The following FLI1 variants were observed in gnomAD, a reference collection of about 807,000 sequenced individuals.
The protein encoded by FLI1 is Fli-1 proto-oncogene, ETS transcription factor, also known as Friend leukemia integration 1 transcription factor.
FLI1 carries 13 observed loss-of-function variants against 53.1 expected under a neutral mutation model. The ratio of observed to expected loss-of-function variants is 0.24; its 90% CI spans 0.16 to 0.39. The LOEUF is 0.39. Among genes scored for constraint, FLI1 ranks in the 10% least tolerant of loss-of-function variants. FLI1 has a pLI of 1.00. For synonymous variants in FLI1, 244 were observed against 236.7 expected, an observed-to-expected ratio of 1.03 and a Z score of -0.28; for missense variants, 424 against 600.5, an observed-to-expected ratio of 0.71 and a Z score of 3.07.
intron 4 of FLI1, 149 bp downstream of exon 4, chr11:128,773,134 C>G: frequency 1.4e-6 from 1 of 708,514 alleles, no homozygotes; most frequent in South Asian, 1.7e-5. Flanking sequence ...CACGTGGGCT[C>G]CTACAGACCC....
intron 5 of FLI1, among the ~76,000 whole-genome samples, chr11:128,795,712 A>T (rs1942420049): frequency 6.6e-6 from 1 of 152,048 alleles, no homozygotes; most frequent in Admixed American, 6.6e-5. Flanking sequence ...CACCACGCCC[A>T]ACTAATTTTT....
At chr11:128,712,787 G>A (rs1938840263) in intron 1 of FLI1, among the ~76,000 whole-genome samples, 1 of 152,108 alleles carries the variant, frequency 6.6e-6, no homozygotes. Flanking sequence ...GGGACACAGA[G>A]CCAAAACATA....
intron 2 of FLI1, among the ~76,000 whole-genome samples, chr11:128,761,662 T>C (rs551195161): frequency 1.3e-5 from 2 of 152,186 alleles, no homozygotes; most frequent in Admixed American, 6.5e-5. Context: ...CCTCCCCTGC[T>C]CTCAGAGAAT....
rs1941619394 is a variant in FLI1 at position 128,772,942 on chromosome 11, C to T, written c.546C>T (p.Tyr182=). 5 of 1,613,890 alleles carry T rather than the reference C, an allele frequency of 3.1e-6. No individual in the cohort carries two copies. The highest frequency in any genetic ancestry group is 1.7e-5 in the Admixed American group (1 of 60,010). The part of the protein sequence containing the change: ...KEDFLRATTL[Y]NTEVLLSHLS... ...ACTTCCTCCGCGCCACCACCCTCTACAACACGGAAGTGCTGTTGTCACACC... is the reference window on the plus strand; with the variant it reads ...ACTTCCTCCGCGCCACCACCCTCTATAACACGGAAGTGCTGTTGTCACACC... Residue 182 remains tyrosine (Y), a synonymous_variant, in exon 4 of 9, where the codon TAC becomes TAT. Coordinates refer to ENST00000527786, the MANE Select transcript of FLI1 (RefSeq NM_002017.5).
intron 1 of FLI1, among the ~76,000 whole-genome samples, chr11:128,741,305 A>C (rs752577625): frequency 2.6e-5 from 4 of 152,334 alleles, no homozygotes; most frequent in Non-Finnish European, 4.4e-5. Flanking sequence ...AGGCAGGAGA[A>C]TCGCTTGAAC....
chr11:128,694,351 G>A (rs1591724965), intron 1 of FLI1, 75 bp downstream of exon 1: 2 of 1,173,746 alleles, frequency 1.7e-6, no homozygotes, highest in African/African-American at 1.6e-5. Flanking sequence ...TAGGTGCGGG[G>A]CCCGCGTCCC....
intron 1 of FLI1, among the ~76,000 whole-genome samples, chr11:128,741,166 G>A (rs1354178613): frequency 1.3e-5 from 2 of 152,168 alleles, no homozygotes; most frequent in African/African-American, 4.8e-5. Flanking sequence ...GGCTGAGGCG[G>A]GCGGATCACT....
In FLI1 at chr11:128,748,984, T is replaced by C. The variant is rs56852377; in HGVS notation, c.19-9131T>C. On this transcript the variant is annotated intron_variant, in intron 1 of 8. Coordinates refer to ENST00000527786, the MANE Select transcript of FLI1 (RefSeq NM_002017.5). ...TTCTCATTTAAAAATGTGGTCCTTG[T>C]TTGGTTTTTGTCTGTTGTTTATTTT... Among the ~76,000 whole-genome samples the C allele has an allele frequency of 7.0e-3, 1,062 of 152,320 alleles. 15 individuals carry two copies. The highest frequency in any genetic ancestry group is 0.024 in the African/African-American group (997 of 41,566).
Position 128,757,092 on chromosome 11 carries a change from CTTTCTT to C in FLI1, c.19-1021_19-1016del, listed in dbSNP as rs397849615. ...TCTTTCTTTCTTTCTTTCTTTCTTT[CTTTCTT>C]TCTTTCTTTCTTTCTCTCTTTCTGT... is the stretch of plus-strand genomic sequence containing the variant. On this transcript the variant is annotated intron_variant, in intron 1 of 8. Transcript: ENST00000527786. Among the ~76,000 whole-genome samples the C allele has an allele frequency of 5.4e-5, 8 of 146,888 alleles. 1 individual carries two copies. The highest frequency in any genetic ancestry group is 4.7e-4 in the Admixed American group (7 of 14,780).
chr11:128,811,984 C>A lies in FLI1; in HGVS notation c.*996C>A, dbSNP rs957429369. The A allele has an allele frequency of 1.5e-5, 3 of 202,518 alleles. No homozygotes were observed. The highest frequency in any genetic ancestry group is 6.9e-5 in the African/African-American group (3 of 43,460). 12.5% of individuals were successfully genotyped at this position (202,518 alleles called of 1,614,324 possible). A position where few individuals can be genotyped will look rare whatever the true frequency, so the allele number is the denominator to read the frequency against. On this transcript the variant is annotated 3_prime_UTR_variant, in exon 9 of 9. Coordinates refer to ENST00000527786, the MANE Select transcript of FLI1 (RefSeq NM_002017.5). ...ATTTTTTTTAATGTAATTTGTACAT[C>A]TTTTTTCAATCTGTACATTTGGGCT...
intron 1 of FLI1, among the ~76,000 whole-genome samples, chr11:128,703,349 T>C (rs1487558186): frequency 1.3e-5 from 2 of 152,200 alleles, no homozygotes; most frequent in African/African-American, 4.8e-5. Context: ...ATATGTACAA[T>C]GTGTTTATTG....
intron 4 of FLI1, among the ~76,000 whole-genome samples, chr11:128,779,659 C>CCCATTTT (rs1941848773): frequency 6.6e-6 from 1 of 152,182 alleles, no homozygotes; most frequent in Non-Finnish European, 1.5e-5. Context: ...GTGGTGTTAG[C>CCCATTTT]CCATTTTACA....
At chr11:128,763,317 T>G (rs1941199390) in intron 2 of FLI1, among the ~76,000 whole-genome samples, 1 of 152,184 alleles carries the variant, frequency 6.6e-6, no homozygotes, top group African/African-American at 2.4e-5. Flanking sequence ...TTTCTTCATA[T>G]CTTCCTGTTG....
chr11:128,765,644 C>T (rs1366729924), intron 2 of FLI1, among the ~76,000 whole-genome samples: 2 of 152,214 alleles, frequency 1.3e-5, no homozygotes, highest in Middle Eastern at 3.4e-3. Context: ...CCCACAGAGG[C>T]CGCCTGCCAA....
intron 1 of FLI1, among the ~76,000 whole-genome samples, chr11:128,687,216 C>T (rs1226985613): frequency 6.6e-6 from 1 of 152,180 alleles, no homozygotes; most frequent in Non-Finnish European, 1.5e-5. Context: ...TGGCCCCGCC[C>T]GCCCTTCGGA....
chr11:128,805,289 C>A, intron 5 of FLI1, 77 bp from the exon 6 acceptor site: 2 of 792,144 alleles, frequency 2.5e-6, no homozygotes, highest in South Asian at 3.3e-5. Flanking sequence ...TTCTCCTGAT[C>A]ACTACAGATA....
chr11:128,807,183 C>T lies in FLI1; in HGVS notation c.725C>T (p.Pro242Leu). The change falls in exon 7 of 9, where the codon CCT becomes CTT. Residue 242 changes from proline (P) to leucine (L), a missense_variant. Pro to Leu is a moderately conservative substitution (Grantham distance 98). Coordinates refer to ENST00000527786, the MANE Select transcript of FLI1 (RefSeq NM_002017.5). Reference protein sequence around the residue: ...NNMNSGLNKSPPLGGAQTISK... With the variant: ...NNMNSGLNKSLPLGGAQTISK... ...ATTTCTTTCCCTCTTGCCACAGGTC[C>T]TCCCCTTGGAGGGGCACAAACGATC... 2 of 1,593,048 alleles carry T rather than the reference C, an allele frequency of 1.3e-6. No homozygotes were observed. Among genetic ancestry groups the T allele is most frequent in the Non-Finnish European group, 1.7e-6 (2 of 1,169,180 alleles).
At chr11:128,772,744 T>C in intron 3 of FLI1, 38 bp from the exon 4 acceptor site, 1 of 1,575,350 alleles carries the variant, frequency 6.3e-7, no homozygotes. Flanking sequence ...GCCTCTACCT[T>C]CCTGCAGTCC....
intron 1 of FLI1, among the ~76,000 whole-genome samples, chr11:128,707,445 G>A (rs1204623045): frequency 6.6e-6 from 1 of 152,188 alleles, no homozygotes; most frequent in Non-Finnish European, 1.5e-5. Context: ...TTCTAGAAAG[G>A]AGAGGGAGAA....
Sources: gnomAD v4.1 joint callset for allele counts (sites outside exome capture counted in the v4.1 genomes callset) on GRCh38, gnomAD v4.1.1 for gene constraint, MANE v1.5 for transcripts, NCBI Gene and HGNC (gene_info 2026-07-23, HGNC 2026-07-21) for gene names.